The following KLF17 variants were observed in gnomAD, a reference collection of about 807,000 sequenced individuals.
The protein encoded by KLF17 is Krueppel-like factor 17.
A neutral mutation model predicts 34.2 loss-of-function variants in KLF17; 31 were observed. The ratio of observed to expected loss-of-function variants is 0.91; its 90% CI spans 0.68 to 1.22. KLF17 has a LOEUF of 1.22. Among genes scored for constraint, KLF17 ranks in the 50% most tolerant of loss-of-function variants. The pLI, the probability that KLF17 is intolerant of heterozygous loss-of-function variation, is 0.00. For synonymous variants in KLF17, 179 were observed against 186.7 expected, an observed-to-expected ratio of 0.96 and a Z score of 0.34; for missense variants, 478 against 505.2, an observed-to-expected ratio of 0.95 and a Z score of 0.52.
chr1:44,114,105 C>G (rs750766991), upstream of KLF17: 1 of 152,314 alleles, frequency 6.6e-6, no homozygotes, highest in African/African-American at 2.4e-5. Context: ...CAGATGTCCA[C>G]GCAAAAATTG....
the KLF17 span, among the ~76,000 whole-genome samples, chr1:44,109,992 C>T: frequency 3.3e-5 from 5 of 150,898 alleles, no homozygotes; most frequent in Non-Finnish European, 5.9e-5. Context: ...ACTGCACCTC[C>T]GCCTCCCGGG....
chr1:44,106,893 G>A, the KLF17 span: 1 of 152,124 alleles, frequency 6.6e-6, no homozygotes, highest in African/African-American at 2.4e-5. Flanking sequence ...GAAGAAAAAA[G>A]GTGTGGTCTG....
At chr1:44,083,784 ACT>A in the KLF17 span, among the ~76,000 whole-genome samples, 407 of 115,670 alleles carry the variant, frequency 3.5e-3, 1 homozygote, top group African/African-American at 0.014. Context: ...ACACAGCGAG[ACT>A]CTGTCTCAAA....
chr1:44,118,470 T>C (rs575714859), upstream of KLF17, among the ~76,000 whole-genome samples: 3 of 151,608 alleles, frequency 2.0e-5, no homozygotes, highest in Non-Finnish European at 2.9e-5. Flanking sequence ...GAGGCTCTCC[T>C]ATCGGTAGAG....
chr1:44,102,893 T>G, the KLF17 span, among the ~76,000 whole-genome samples: 1 of 152,068 alleles, frequency 6.6e-6, no homozygotes, highest in Non-Finnish European at 1.5e-5. Context: ...ATATATAATA[T>G]AATATAATAA....
chr1:44,053,407 C>G, the KLF17 span, among the ~76,000 whole-genome samples: 4 of 152,054 alleles, frequency 2.6e-5, no homozygotes, highest in Non-Finnish European at 5.9e-5. Context: ...CTTAGCTGTT[C>G]CCCCATGAGG....
Position 44,127,625 on chromosome 1 carries a change from T to TTTTCTTTTCTTTTCTTTTC in KLF17, c.82-1716_82-1715insTCTTTTCTTTCTTTTCTTT, listed in dbSNP as rs1553171613. ...CCCTTTCTTTCTTTCTTTTCTTTTC[T>TTTTCTTTTCTTTTCTTTTC]TTTCTTTTCTTTCCTTCTTTCTTTC... On this transcript the variant is annotated intron_variant, in intron 1 of 3. Coordinates refer to ENST00000372299, the MANE Select transcript of KLF17 (RefSeq NM_173484.4). Among the ~76,000 whole-genome samples, 8 of 63,604 alleles carry TTTTCTTTTCTTTTCTTTTC rather than the reference T, an allele frequency of 1.3e-4. 1 individual carries two copies. Among genetic ancestry groups the TTTTCTTTTCTTTTCTTTTC allele is most frequent in the African/African-American group, 3.9e-4 (7 of 18,130 alleles). 41.7% of individuals were successfully genotyped at this position (63,604 alleles called of 152,430 possible).
the KLF17 span, among the ~76,000 whole-genome samples, chr1:44,098,702 C>G: frequency 2.0e-5 from 3 of 151,688 alleles, no homozygotes; most frequent in East Asian, 1.9e-4. Context: ...AGGTGCCCAC[C>G]ACCACGCCTG....
the KLF17 span, chr1:44,048,104 A>C: frequency 6.6e-6 from 1 of 152,202 alleles, no homozygotes; most frequent in East Asian, 1.9e-4. Flanking sequence ...TGCAGAAGTC[A>C]AGGAAACGGT....
At chr1:44,059,939 T>A in the KLF17 span, among the ~76,000 whole-genome samples, 1 of 152,090 alleles carries the variant, frequency 6.6e-6, no homozygotes, top group Non-Finnish European at 1.5e-5. Flanking sequence ...GGAGCACTGT[T>A]CCTTCTGGAA....
the KLF17 span, among the ~76,000 whole-genome samples, chr1:44,046,394 A>G: frequency 6.6e-6 from 1 of 151,742 alleles, no homozygotes; most frequent in African/African-American, 2.4e-5. Context: ...ATTTTTTAAA[A>G]TTTTATTTGT....
chr1:44,060,207 C>T, the KLF17 span, among the ~76,000 whole-genome samples: 1 of 152,114 alleles, frequency 6.6e-6, no homozygotes, highest in African/African-American at 2.4e-5. Context: ...TGGTGACTCA[C>T]ACTTGTAATC....
At chr1:44,098,389 G>C in the KLF17 span, among the ~76,000 whole-genome samples, 42 of 150,776 alleles carry the variant, frequency 2.8e-4, no homozygotes, top group Non-Finnish European at 5.6e-4. Flanking sequence ...AATTTTGTTT[G>C]TCTTTTCAAA....
At chr1:44,105,655 T>C in the KLF17 span, 2 of 152,242 alleles carry the variant, frequency 1.3e-5, no homozygotes, top group African/African-American at 4.8e-5. Context: ...GATTTACTTA[T>C]ATTTTCCATT....
chr1:44,135,138 AAAG>A (rs1343872841), exon 4 of KLF17: 3 of 152,168 alleles, frequency 2.0e-5, no homozygotes, highest in African/African-American at 7.2e-5. Context: ...ATTAAAAGAA[AAAG>A]AAGGGAAAGT....
the KLF17 span, among the ~76,000 whole-genome samples, chr1:44,056,138 T>G: frequency 6.6e-6 from 1 of 152,228 alleles, no homozygotes; most frequent in Non-Finnish European, 1.5e-5. Context: ...TCTTCTGCAA[T>G]GCATTAGCCA....
chr1:44,093,688 C>T, the KLF17 span, among the ~76,000 whole-genome samples: 1 of 152,222 alleles, frequency 6.6e-6, no homozygotes, highest in Admixed American at 6.5e-5. Flanking sequence ...AGCCACCGCA[C>T]TCATCTTTAT....
the KLF17 span, among the ~76,000 whole-genome samples, chr1:44,071,670 G>T: frequency 6.6e-6 from 1 of 152,020 alleles, no homozygotes; most frequent in African/African-American, 2.4e-5. Context: ...GCTACAATTG[G>T]CAGGTCACAA....
At chr1:44,100,945 T>C in the KLF17 span, among the ~76,000 whole-genome samples, 11 of 152,220 alleles carry the variant, frequency 7.2e-5, no homozygotes, top group Non-Finnish European at 8.8e-5. Flanking sequence ...GTAAATTGAA[T>C]AGTTGCAAAG....
Sources: gnomAD v4.1 joint callset for allele counts (sites outside exome capture counted in the v4.1 genomes callset) on GRCh38, gnomAD v4.1.1 for gene constraint, MANE v1.5 for transcripts, NCBI Gene and HGNC (gene_info 2026-07-23, HGNC 2026-07-21) for gene names.